GALNT14: variants seen among roughly 807,000 people sequenced by gnomAD.
GALNT14 encodes UDP-GalNAc:polypeptide N-acetylgalactosaminyltransferase 14.
A neutral mutation model predicts 77.5 loss-of-function variants in GALNT14; 60 were observed. That is an observed-to-expected ratio of 0.77 (90% CI 0.63 to 0.96). The LOEUF is 0.96. Among genes scored for constraint, GALNT14 ranks in the 40% least tolerant of loss-of-function variants. The probability of loss-of-function intolerance (pLI) is 0.00; values close to 1 mark genes in which losing one functional copy is unlikely to be tolerated. For synonymous variants in GALNT14, 280 were observed against 281.7 expected, an observed-to-expected ratio of 0.99 and a Z score of 0.06; for missense variants, 710 against 731.0, an observed-to-expected ratio of 0.97 and a Z score of 0.33.
At chr2:30,996,599 A>G (rs1391690985) in intron 1 of GALNT14, among the ~76,000 whole-genome samples, 3 of 152,238 alleles carry the variant, frequency 2.0e-5, no homozygotes, top group Non-Finnish European at 4.4e-5. Context: ...CATGGGCCCA[A>G]GAGGGCCCGA....
chr2:30,943,123 G>C (rs1196774136), intron 8 of GALNT14, among the ~76,000 whole-genome samples: 3 of 152,198 alleles, frequency 2.0e-5, no homozygotes, highest in Non-Finnish European at 4.4e-5. Flanking sequence ...CTCTCCTCCA[G>C]AACTGCGGGA....
intron 1 of GALNT14, among the ~76,000 whole-genome samples, chr2:31,124,319 T>C (rs1678579601): frequency 2.0e-5 from 3 of 152,200 alleles, no homozygotes; most frequent in African/African-American, 7.2e-5. Flanking sequence ...GCAAAATGGA[T>C]AGCTGTCTTT....
intron 3 of GALNT14, among the ~76,000 whole-genome samples, chr2:30,965,096 G>A (rs536467644): frequency 1.7e-3 from 257 of 152,206 alleles, no homozygotes; most frequent in Non-Finnish European, 3.2e-3. Context: ...CTCAGCTGCG[G>A]GACGTGGCTG....
chr2:31,019,227 C>T (rs1176267219), intron 1 of GALNT14, among the ~76,000 whole-genome samples: 1 of 152,172 alleles, frequency 6.6e-6, no homozygotes, highest in African/African-American at 2.4e-5. Flanking sequence ...GCGATGCCTC[C>T]ACTCAGCCCT....
At chr2:30,967,471 A>T (rs955254660) in intron 2 of GALNT14, among the ~76,000 whole-genome samples, 29 of 152,140 alleles carry the variant, frequency 1.9e-4, no homozygotes, top group African/African-American at 6.8e-4. Flanking sequence ...TATTTAGAAA[A>T]AGCCAGGCAG....
At chr2:30,890,237 T>A in the GALNT14 span, among the ~76,000 whole-genome samples, 1 of 152,176 alleles carries the variant, frequency 6.6e-6, no homozygotes, top group Admixed American at 6.5e-5. Flanking sequence ...TCTGGGAAGA[T>A]AGAGAGGAGA....
chr2:31,076,612 C>CATATATATATATATATATATAT (rs59824499), intron 1 of GALNT14, among the ~76,000 whole-genome samples: 1 of 143,330 alleles, frequency 7.0e-6, no homozygotes, highest in African/African-American at 2.6e-5. Flanking sequence ...GGTGTGTATA[C>CATATATATATATATATATATAT]ATATATATAT....
chr2:31,044,629 A>G (rs1484608092), intron 1 of GALNT14, among the ~76,000 whole-genome samples: 1 of 151,362 alleles, frequency 6.6e-6, no homozygotes, highest in African/African-American at 2.4e-5. Flanking sequence ...ATAGGGTAGC[A>G]GCTATACTAC....
chr2:31,057,293 T>TTATATA (rs10638502), intron 1 of GALNT14, among the ~76,000 whole-genome samples: 2,151 of 128,894 alleles, frequency 0.017, 33 homozygotes, highest in East Asian at 0.058. Flanking sequence ...AAAGTTGAAA[T>TTATATA]TATATATATA....
chr2:30,891,073 C>T, the GALNT14 span, among the ~76,000 whole-genome samples: 1 of 152,102 alleles, frequency 6.6e-6, no homozygotes, highest in East Asian at 1.9e-4. Flanking sequence ...GTGGATCAGC[C>T]CATGTTCAAG....
chr2:31,074,470 A>C (rs190932511), intron 1 of GALNT14, among the ~76,000 whole-genome samples: 87 of 151,618 alleles, frequency 5.7e-4, no homozygotes, highest in African/African-American at 2.1e-3. Context: ...TAAGCTTGGG[A>C]TTCTGCTGAC....
At chr2:31,023,549 C>T (rs905099589) in intron 1 of GALNT14, among the ~76,000 whole-genome samples, 31 of 152,234 alleles carry the variant, frequency 2.0e-4, no homozygotes, top group Admixed American at 8.5e-4. Context: ...ATTCTGTTTG[C>T]ACTTTCTTCC....
intron 1 of GALNT14, among the ~76,000 whole-genome samples, chr2:31,008,446 A>G (rs1670809572): frequency 6.6e-6 from 1 of 152,166 alleles, no homozygotes; most frequent in South Asian, 2.1e-4. Context: ...TCCAAGGACC[A>G]GATTCTCTCT....
At chr2:31,127,568 C>G (rs1364587270) in intron 1 of GALNT14, among the ~76,000 whole-genome samples, 1 of 152,178 alleles carries the variant, frequency 6.6e-6, no homozygotes. Context: ...TACTTACTGG[C>G]CCTTGACAGA....
At chr2:31,073,912 G>T (rs537532240) in intron 1 of GALNT14, among the ~76,000 whole-genome samples, 10 of 152,290 alleles carry the variant, frequency 6.6e-5, no homozygotes, top group Non-Finnish European at 1.3e-4. Flanking sequence ...GGAACAGAAC[G>T]CTCTCCTTCC....
At chr2:31,056,486 T>G (rs758373110) in intron 1 of GALNT14, among the ~76,000 whole-genome samples, 1 of 152,102 alleles carries the variant, frequency 6.6e-6, no homozygotes, top group Non-Finnish European at 1.5e-5. Flanking sequence ...TGGCCAGACA[T>G]TATGACCCAG....
In GALNT14 at chr2:31,100,619, G is replaced by A. The variant is rs571738084; in HGVS notation, c.129+37339C>T. On this transcript the variant is annotated intron_variant, in intron 1 of 14. Coordinates refer to ENST00000349752, the MANE Select transcript of GALNT14 (RefSeq NM_024572.4). ...AACAGTACTAATAGCATAGATCCTT[G>A]TTCTTTAGTGATAATTCCTTTAGTG... Among the ~76,000 whole-genome samples, 18 of 151,568 alleles carry A rather than the reference G, an allele frequency of 1.2e-4. 1 individual carries two copies. The East Asian group carries it at 2.9e-3, about 25-fold the overall frequency.
chr2:30,970,167 G>A (rs1266470146), intron 2 of GALNT14, among the ~76,000 whole-genome samples: 1 of 152,148 alleles, frequency 6.6e-6, no homozygotes, highest in Admixed American at 6.5e-5. Context: ...ACAGGGGCTG[G>A]AAAGGCATCT....
intron 11 of GALNT14, among the ~76,000 whole-genome samples, chr2:30,926,858 G>A (rs370853425): frequency 3.3e-5 from 5 of 152,160 alleles, no homozygotes; most frequent in Non-Finnish European, 5.9e-5. Context: ...TGGGGGCCAG[G>A]AGAAAGGAGG....
Sources: gnomAD v4.1 joint callset for allele counts (sites outside exome capture counted in the v4.1 genomes callset) on GRCh38, gnomAD v4.1.1 for gene constraint, MANE v1.5 for transcripts, NCBI Gene and HGNC (gene_info 2026-07-23, HGNC 2026-07-21) for gene names.